Variants in C2CD2 observed in about 807,000 individuals in gnomAD.
C2CD2 encodes C2 calcium dependent domain containing 2.
In C2CD2, 43 loss-of-function variants were observed where a neutral mutation model predicts 74.3. The ratio of observed to expected loss-of-function variants is 0.58; its 90% CI spans 0.45 to 0.75. C2CD2 has a LOEUF of 0.75. Among genes scored for constraint, C2CD2 ranks in the 30% least tolerant of loss-of-function variants. C2CD2 has a pLI of 0.00. For synonymous variants in C2CD2, 422 were observed against 390.7 expected (o/e 1.08, Z -0.94); for missense variants, 801 against 916.3 (o/e 0.87, Z 1.63).
At chr21:41,948,573 T>A (rs1387850690) in intron 1 of C2CD2, among the ~76,000 whole-genome samples, 1 of 152,026 alleles carries the variant, frequency 6.6e-6, no homozygotes, top group Non-Finnish European at 1.5e-5. Flanking sequence ...ACAGAAGGGG[T>A]CACGGTGGAG....
chr21:41,951,156 C>T (rs2065447556), intron 1 of C2CD2, among the ~76,000 whole-genome samples: 1 of 152,108 alleles, frequency 6.6e-6, no homozygotes, highest in Non-Finnish European at 1.5e-5. Context: ...AATCGCTGGA[C>T]TCGGGGCGGC....
chr21:41,921,242 G>A (rs556496282), intron 3 of C2CD2, among the ~76,000 whole-genome samples: 1 of 152,218 alleles, frequency 6.6e-6, no homozygotes, highest in African/African-American at 2.4e-5. Context: ...CACGGGAGAT[G>A]AAACAGGGCA....
chr21:41,952,730 G>A (rs1441628823), intron 1 of C2CD2, among the ~76,000 whole-genome samples: 1 of 152,204 alleles, frequency 6.6e-6, no homozygotes, highest in African/African-American at 2.4e-5. Context: ...TGCCGCCCAC[G>A]AGCTGTGTGG....
chr21:41,910,723 A>T (rs1486504671), intron 7 of C2CD2, among the ~76,000 whole-genome samples: 1 of 152,116 alleles, frequency 6.6e-6, no homozygotes, highest in South Asian at 2.1e-4. Context: ...ATTTTCTTCC[A>T]TTACTTTTTC....
Position 41,926,542 on chromosome 21 carries a change from T to C in C2CD2, c.379-4457A>G. On this transcript the variant is annotated intron_variant, in intron 2 of 13. Transcript: ENST00000380486. The surrounding 1 kb of genome is among the most constrained non-coding windows in gnomAD (Gnocchi z 8.0). ...CACCTTCTCGGTGCTCTCTCCAGCC[T>C]CAACACCTTGACCTCATGTAGTCAC... 1.3e-6 allele frequency: 1 copy of C among 781,454 alleles called. No homozygotes were observed. Among genetic ancestry groups the C allele is most frequent in the Non-Finnish European group, 1.6e-6 (1 of 643,754 alleles). 48.4% of individuals were successfully genotyped at this position (781,454 alleles called of 1,614,324 possible). A position where few individuals can be genotyped will look rare whatever the true frequency, so the allele number is the denominator to read the frequency against.
At position 41,923,140 on chromosome 21, in the gene C2CD2, C is replaced by T. The variant is rs750165523; in HGVS notation, c.379-1055G>A. Among the ~76,000 whole-genome samples the T allele has an allele frequency of 3.3e-5, 5 of 152,006 alleles. No individual in the cohort carries two copies. Among genetic ancestry groups the T allele is most frequent in the African/African-American group, 7.3e-5 (3 of 41,362 alleles). ...ACTCCCGAGTGGCTGGGTTTACAGG[C>T]GTGTGCTACTACTCCCGGCTAATTT... is the stretch of plus-strand genomic sequence containing the variant. On this transcript the variant is annotated intron_variant, in intron 2 of 13. Coordinates refer to ENST00000380486, the MANE Select transcript of C2CD2 (RefSeq NM_015500.2). This position sits in a 1 kb window ranked among gnomAD's most constrained non-coding sequence, Gnocchi z 5.8.
chr21:41,888,231 GTA>G lies in C2CD2; in HGVS notation c.*891_*892del, dbSNP rs1195681885. On this transcript the variant is annotated 3_prime_UTR_variant, in exon 14 of 14. Coordinates refer to ENST00000380486, the MANE Select transcript of C2CD2 (RefSeq NM_015500.2). ...ACTGGCAGCACTTGGCAAAATCCATGTATGTGTTTGGTTACTGTGTTCTACGA... is the reference window on the plus strand; with the variant it reads ...ACTGGCAGCACTTGGCAAAATCCATGTGTGTTTGGTTACTGTGTTCTACGA... 1 of 152,592 alleles carries G rather than the reference GTA, an allele frequency of 6.6e-6. No homozygotes were observed. Among genetic ancestry groups the G allele is most frequent in the African/African-American group, 2.4e-5 (1 of 41,440 alleles). The allele number at this position is 152,592 out of a possible 1,614,324, so 9.5% of individuals were successfully genotyped here.
chr21:41,918,391 GC>G (rs1483455720), intron 4 of C2CD2, among the ~76,000 whole-genome samples, 164 bp from the exon 5 acceptor site: 1 of 152,206 alleles, frequency 6.6e-6, no homozygotes, highest in Non-Finnish European at 1.5e-5. Context: ...AGGACGCCCT[GC>G]CCTTGGAAGC....
intron 13 of C2CD2, among the ~76,000 whole-genome samples, chr21:41,897,729 G>A (rs997789552): frequency 1.3e-5 from 2 of 152,184 alleles, no homozygotes; most frequent in African/African-American, 4.8e-5. Flanking sequence ...GAGGGAGGCC[G>A]CCGTGCCATG....
In C2CD2 at chr21:41,953,662, C is replaced by T. The variant is rs1484828444; in HGVS notation, c.-14G>A. ...GGCCATGGCCATGGCGCATCCCCGG[C>T]CCGCCTCGCCCCAACTTCCCCGGCA... On this transcript the variant is annotated 5_prime_UTR_variant, in exon 1 of 14. Transcript: ENST00000380486. The T allele has an allele frequency of 3.6e-6, 5 of 1,396,394 alleles. No homozygotes were observed. In the East Asian group the frequency reaches 1.5e-4, roughly 43 times the overall value. The allele number at this position is 1,396,394 out of a possible 1,614,324, so 86.5% of individuals were successfully genotyped here.
intron 3 of C2CD2, among the ~76,000 whole-genome samples, chr21:41,920,111 C>T (rs1263182430): frequency 6.6e-6 from 1 of 152,190 alleles, no homozygotes; most frequent in Non-Finnish European, 1.5e-5. Flanking sequence ...GTCCCGTAAT[C>T]CCATGGAATG....
Position 41,953,482 on chromosome 21 carries a change from G to A in C2CD2, c.167C>T (p.Pro56Leu). The A allele has an allele frequency of 6.7e-7, 1 of 1,482,676 alleles. No individual in the cohort carries two copies. The highest frequency in any genetic ancestry group is 2.9e-5 in the East Asian group (1 of 34,108). The allele number at this position is 1,482,676 out of a possible 1,614,324, so 91.8% of individuals were successfully genotyped here. A position where few individuals can be genotyped will look rare whatever the true frequency, so the allele number is the denominator to read the frequency against. Residue 56 changes from proline (P) to leucine (L), a missense_variant, in exon 1 of 14, where the codon CCG becomes CTG. By Grantham distance (98) the Pro-to-Leu change is moderately conservative (BLOSUM62 -3). Coordinates refer to ENST00000380486, the MANE Select transcript of C2CD2 (RefSeq NM_015500.2). ...GAGCAGCGCGTCGGACCCCGGGCGC[G>A]GCCCCTCTCCAGGCTCCACCGCCCG... ...QRRAVEPGEG[P>L]RPGSDALLSW... is the part of the protein sequence containing the mutation.
chr21:41,929,656 A>G lies in C2CD2; in HGVS notation c.379-7571T>C, dbSNP rs1318621295. ...CTCCATTTACTTAGAAATGAAACTG[A>G]AAACAGACAACTAAAGCATGTCCAG... On this transcript the variant is annotated intron_variant, in intron 2 of 13. Transcript: ENST00000380486. The surrounding 1 kb of genome is among the most constrained non-coding windows in gnomAD (Gnocchi z 4.6). Among the ~76,000 whole-genome samples, 1 of 152,228 alleles carries G rather than the reference A, an allele frequency of 6.6e-6. No individual in the cohort carries two copies. The highest frequency in any genetic ancestry group is 6.5e-5 in the Admixed American group (1 of 15,290).
rs145576901 is a variant in C2CD2 at position 41,926,750 on chromosome 21, G to A, written c.379-4665C>T. On this transcript the variant is annotated intron_variant, in intron 2 of 13. Transcript: ENST00000380486. The surrounding 1 kb of genome is among the most constrained non-coding windows in gnomAD (Gnocchi z 8.0). ...ATTAAGCTTCCTGTACAGCTGCCTC[G>A]GCTCCTTCTCTTAGAACACTCTAGA... The A allele has an allele frequency of 1.0e-4, 33 of 321,852 alleles. No homozygotes were observed. Among genetic ancestry groups the A allele is most frequent in the Admixed American group, 1.9e-4 (3 of 15,464 alleles). The allele number at this position is 321,852 out of a possible 1,614,324, so 19.9% of individuals were successfully genotyped here.
chr21:41,914,151 A>G (rs6586338), intron 6 of C2CD2, among the ~76,000 whole-genome samples: 68,062 of 151,882 alleles, frequency 0.45, 15,512 homozygotes, highest in African/African-American at 0.53. Context: ...GCTTGAACCC[A>G]GGAGGTGGAG....
Position 41,929,971 on chromosome 21 carries a change from C to T in C2CD2, c.379-7886G>A, listed in dbSNP as rs112745317. On this transcript the variant is annotated intron_variant, in intron 2 of 13. Coordinates refer to ENST00000380486, the MANE Select transcript of C2CD2 (RefSeq NM_015500.2). The surrounding 1 kb of genome is among the most constrained non-coding windows in gnomAD (Gnocchi z 4.6). ...TTGCTTTTGGGGCAGAAAGCAGGCA[C>T]TTTCAAAAGGGGGCTTGGCATGAAT... Among the ~76,000 whole-genome samples the T allele has an allele frequency of 1.3e-4, 20 of 152,292 alleles. No homozygotes were observed. Among genetic ancestry groups the T allele is most frequent in the African/African-American group, 4.8e-4 (20 of 41,572 alleles).
In C2CD2 at chr21:41,929,146, T is replaced by C. The variant is rs1601592649; in HGVS notation, c.379-7061A>G. ...TAAAAATGCAAAAAGATCACACTAA[T>C]GGCATGGTTTATTTTGTGCTGTGGT... On this transcript the variant is annotated intron_variant, in intron 2 of 13. Coordinates refer to ENST00000380486, the MANE Select transcript of C2CD2 (RefSeq NM_015500.2). This position sits in a 1 kb window ranked among gnomAD's most constrained non-coding sequence, Gnocchi z 4.6. Among the ~76,000 whole-genome samples, 1 of 151,850 alleles carries C rather than the reference T, an allele frequency of 6.6e-6. No individual in the cohort carries two copies.
At chr21:41,941,227 G>A (rs952658496) in intron 2 of C2CD2, among the ~76,000 whole-genome samples, 1 of 152,120 alleles carries the variant, frequency 6.6e-6, no homozygotes, top group Non-Finnish European at 1.5e-5. Flanking sequence ...CAGGCACGGT[G>A]ACACGTGCCT....
At chr21:41,942,972 T>C (rs548832991) in intron 1 of C2CD2, 3 of 983,706 alleles carry the variant, frequency 3.0e-6, no homozygotes, top group East Asian at 2.3e-4. Flanking sequence ...GGAAACTCGG[T>C]CAGCTCATGT....
Sources: allele counts gnomAD v4.1 joint callset (sites outside exome capture counted in the v4.1 genomes callset), GRCh38; gene constraint gnomAD v4.1.1; non-coding constraint Gnocchi (gnomAD v3.1); transcripts MANE v1.5; gene names NCBI Gene and HGNC (gene_info 2026-07-23, HGNC 2026-07-21).